NUP62CL: variants seen among roughly 807,000 people sequenced by gnomAD.
NUP62CL encodes nucleoporin-62 C-terminal-like protein.
In NUP62CL, 13 loss-of-function variants were observed where a neutral mutation model predicts 15.3. That is an observed-to-expected ratio of 0.85 (90% confidence interval 0.55 to 1.35). The LOEUF (loss-of-function observed/expected upper bound fraction) is 1.35, where lower values mean the gene tolerates loss of function less well. Among genes scored for constraint, NUP62CL ranks in the 40% most tolerant of loss-of-function variants. The pLI is 0.00. For synonymous variants in NUP62CL, 54 were observed against 49.2 expected (o/e 1.10, Z -0.41); for missense variants, 123 against 130.6 (o/e 0.94, Z 0.28).
chrX:107,181,080 C>CTT (rs1208380676), intron 2 of NUP62CL, among the ~76,000 whole-genome samples: 8 of 100,119 alleles, frequency 8.0e-5, no homozygotes, highest in Non-Finnish European at 1.2e-4. Context: ...CAACGCCCAA[C>CTT]TTTTTTTTTT....
intron 2 of NUP62CL, among the ~76,000 whole-genome samples, chrX:107,175,446 A>T (rs181080757): frequency 7.2e-5 from 8 of 111,758 alleles, no homozygotes; most frequent in African/African-American, 2.6e-4. Context: ...AAGAAGTCCT[A>T]AGAGGGGGGA....
chrX:107,157,210 T>C (rs1926222612), intron 4 of NUP62CL, among the ~76,000 whole-genome samples: 1 of 108,228 alleles, frequency 9.2e-6, no homozygotes, highest in Non-Finnish European at 1.9e-5. Context: ...CTCTGCAGGA[T>C]ATTATCCAGG....
intron 4 of NUP62CL, among the ~76,000 whole-genome samples, chrX:107,159,625 G>A (rs1285598): frequency 0.017 from 735 of 43,204 alleles, 25 homozygotes; most frequent in African/African-American, 0.082. Flanking sequence ...TTGATGGGAC[G>A]TATTTCAAAA....
intron 8 of NUP62CL, among the ~76,000 whole-genome samples, chrX:107,126,064 C>T (rs953947627): frequency 9.0e-6 from 1 of 111,684 alleles, no homozygotes; most frequent in Non-Finnish European, 1.9e-5. Context: ...ATATGGCATA[C>T]ACATATTGAC....
rs75935521 is a variant in NUP62CL at position 107,184,286 on chromosome X, C to CA, written c.-48+8742dup. Among the ~76,000 whole-genome samples, 101 of 44,788 alleles carry CA rather than the reference C, an allele frequency of 2.3e-3. 3 individuals carry two copies. The highest frequency in any genetic ancestry group is 0.013 in the African/African-American group (83 of 6,241). 38.9% of individuals were successfully genotyped at this position (44,788 alleles called of 115,157 possible). ...ACAAATGAAAAAACCCGCCTCAGCA[C>CA]AAAAAAAGAGAAGAAAGAAAGAAAG... On this transcript the variant is annotated intron_variant, in intron 2 of 8. Coordinates refer to ENST00000372466, the MANE Select transcript of NUP62CL (RefSeq NM_017681.3).
At chrX:107,151,669 T>C (rs190151658) in intron 7 of NUP62CL, among the ~76,000 whole-genome samples, 1 of 110,609 alleles carries the variant, frequency 9.0e-6, no homozygotes, top group African/African-American at 3.3e-5. Context: ...TGCCTTTCTA[T>C]GGCATAGTAC....
At chrX:107,172,056 C>T (rs1439882519) in intron 3 of NUP62CL, among the ~76,000 whole-genome samples, 1 of 108,898 alleles carries the variant, frequency 9.2e-6, no homozygotes, top group African/African-American at 3.4e-5. Context: ...AGGTGTGGTG[C>T]CTCAAGCCTA....
intron 8 of NUP62CL, among the ~76,000 whole-genome samples, chrX:107,133,907 C>T (rs1193958348): frequency 1.8e-5 from 2 of 111,887 alleles, no homozygotes; most frequent in Non-Finnish European, 3.8e-5. Context: ...CACTGCACTC[C>T]AACCTGGGCG....
intron 4 of NUP62CL, among the ~76,000 whole-genome samples, chrX:107,161,101 A>G (rs1926355502): frequency 9.1e-6 from 1 of 109,401 alleles, no homozygotes; most frequent in South Asian, 4.1e-4. Flanking sequence ...CACACCAGTT[A>G]GAATGGCAAT....
chrX:107,166,317 C>A (rs748886957), intron 4 of NUP62CL, among the ~76,000 whole-genome samples: 17 of 112,011 alleles, frequency 1.5e-4, no homozygotes, highest in Non-Finnish European at 1.3e-4. Flanking sequence ...AGACGTTCAA[C>A]ATCATTAGTC....
intron 1 of NUP62CL, among the ~76,000 whole-genome samples, chrX:107,196,330 G>A (rs1204955833): frequency 9.0e-6 from 1 of 110,853 alleles, no homozygotes; most frequent in African/African-American, 3.3e-5. Context: ...AATCTATTTT[G>A]CTTGACCAGT....
intron 8 of NUP62CL, among the ~76,000 whole-genome samples, chrX:107,146,415 T>C (rs977650477): frequency 6.3e-5 from 7 of 111,671 alleles, no homozygotes; most frequent in Non-Finnish European, 1.3e-4. Context: ...TTTGAAAAAA[T>C]TAACTCAGCA....
chrX:107,151,812 T>C (rs1344664236), intron 7 of NUP62CL, among the ~76,000 whole-genome samples: 3 of 106,092 alleles, frequency 2.8e-5, no homozygotes, highest in East Asian at 5.9e-4. Context: ...GAGTGGATCA[T>C]GAAGTCAGGA....
At chrX:107,199,453 G>A (rs1221521718) in intron 1 of NUP62CL, among the ~76,000 whole-genome samples, 3 of 112,287 alleles carry the variant, frequency 2.7e-5, no homozygotes, top group Non-Finnish European at 3.8e-5. Flanking sequence ...AAGTATAAAT[G>A]ATTTTGAGAG....
chrX:107,147,704 G>C, intron 8 of NUP62CL, 39 bp downstream of exon 8: 4 of 830,605 alleles, frequency 4.8e-6, no homozygotes, highest in Non-Finnish European at 7.3e-6. Context: ...TTTTCTACTT[G>C]CAATAAATAC....
At chrX:107,152,579 C>T (rs1926072055) in intron 7 of NUP62CL, among the ~76,000 whole-genome samples, 2 of 111,262 alleles carry the variant, frequency 1.8e-5, no homozygotes, top group Admixed American at 1.9e-4. Flanking sequence ...ATTACCAAAC[C>T]TCAGTTCCAG....
intron 3 of NUP62CL, among the ~76,000 whole-genome samples, chrX:107,169,777 C>G (rs1329194474): frequency 9.0e-6 from 1 of 111,051 alleles, no homozygotes; most frequent in Non-Finnish European, 1.9e-5. Context: ...CAACCAAACA[C>G]TGAGTAACTA....
At chrX:107,127,989 G>A (rs1175868779) in intron 8 of NUP62CL, among the ~76,000 whole-genome samples, 2 of 111,725 alleles carry the variant, frequency 1.8e-5, no homozygotes, top group African/African-American at 6.5e-5. Context: ...TTACAGGAGT[G>A]GTACTGGAAA....
rs1217741967 is a variant in NUP62CL, at chrX:107,184,292, AAGAGAAGAAAGAAAGAAAGAAAGAAAG to A, written c.-48+8710_-48+8736del. Among the ~76,000 whole-genome samples, 15 of 54,324 alleles carry A rather than the reference AAGAGAAGAAAGAAAGAAAGAAAGAAAG, an allele frequency of 2.8e-4. No individual in the cohort carries two copies. The East Asian group carries it at 9.7e-3, about 35-fold the overall frequency. 47.2% of individuals were successfully genotyped at this position (54,324 alleles called of 115,157 possible). On this transcript the variant is annotated intron_variant, in intron 2 of 8. Transcript: ENST00000372466. ...GAAAAAACCCGCCTCAGCACAAAAA[AAGAGAAGAAAGAAAGAAAGAAAGAAAG>A]AAAGAAAGAAAGAAAGAAAGAAAGA...
Sources: gnomAD v4.1 joint callset for allele counts (sites outside exome capture counted in the v4.1 genomes callset) on GRCh38, gnomAD v4.1.1 for gene constraint, MANE v1.5 for transcripts, NCBI Gene and HGNC (gene_info 2026-07-23, HGNC 2026-07-21) for gene names.